The following OR9Q1 variants were observed in gnomAD, a reference collection of about 807,000 sequenced individuals.
OR9Q1 encodes the protein olfactory receptor family 9 subfamily Q member 1.
For missense variants in OR9Q1, 374 were observed against 378.8 expected (o/e 0.99, Z 0.11); for synonymous variants, 153 against 148.6 (o/e 1.03, Z -0.22).
chr11:58,160,787 T>C (rs1854449803), intron 2 of OR9Q1, among the ~76,000 whole-genome samples: 1 of 152,198 alleles, frequency 6.6e-6, no homozygotes, highest in Non-Finnish European at 1.5e-5. Context: ...ACTGGCCTTC[T>C]TGGTATCACT....
chr11:58,090,243 T>G (rs2120062628), intron 2 of OR9Q1, among the ~76,000 whole-genome samples: 1 of 152,344 alleles, frequency 6.6e-6, no homozygotes, highest in South Asian at 2.1e-4. Flanking sequence ...AAGGGAATGC[T>G]TCCGGCTTTT....
intron 2 of OR9Q1, among the ~76,000 whole-genome samples, chr11:58,155,350 G>A (rs1854398084): frequency 6.6e-6 from 1 of 151,770 alleles, no homozygotes; most frequent in African/African-American, 2.4e-5. Context: ...GCAATACTTA[G>A]GCTGGTATTT....
intron 2 of OR9Q1, chr11:58,117,477 A>T (rs1853968121): frequency 6.6e-6 from 1 of 152,198 alleles, no homozygotes; most frequent in East Asian, 1.9e-4. Flanking sequence ...CTCAAATAGG[A>T]ACAAGCATGT....
At chr11:58,156,099 T>C (rs1208882650) in intron 2 of OR9Q1, among the ~76,000 whole-genome samples, 1 of 152,018 alleles carries the variant, frequency 6.6e-6, no homozygotes, top group Non-Finnish European at 1.5e-5. Flanking sequence ...TTTTAGTAGA[T>C]GTGGGGTTTT....
chr11:58,154,091 G>T (rs867546530), intron 2 of OR9Q1, among the ~76,000 whole-genome samples: 2 of 151,732 alleles, frequency 1.3e-5, no homozygotes, highest in Non-Finnish European at 2.9e-5. Context: ...AGAAGAAGAA[G>T]AAGAAGGGGA....
intron 2 of OR9Q1, among the ~76,000 whole-genome samples, chr11:58,138,994 G>A (rs1354504141): frequency 6.6e-6 from 1 of 151,988 alleles, no homozygotes; most frequent in Admixed American, 6.6e-5. Context: ...TTACAATAGA[G>A]TAAGCTAAAG....
chr11:58,079,540 C>T (rs1853569482), intron 2 of OR9Q1, among the ~76,000 whole-genome samples: 1 of 152,116 alleles, frequency 6.6e-6, no homozygotes, highest in Admixed American at 6.6e-5. Flanking sequence ...ATTTATCTCT[C>T]CATTTCTTGA....
intron 2 of OR9Q1, among the ~76,000 whole-genome samples, chr11:58,146,213 C>T (rs1252743677): frequency 6.6e-6 from 1 of 152,170 alleles, no homozygotes; most frequent in African/African-American, 2.4e-5. Flanking sequence ...GACCATCTGC[C>T]TCAATTAACT....
At chr11:58,043,315 A>C (rs982088399) in intron 1 of OR9Q1, among the ~76,000 whole-genome samples, 2 of 152,196 alleles carry the variant, frequency 1.3e-5, no homozygotes, top group Admixed American at 6.5e-5. Context: ...AGTTTTGAAG[A>C]GACTTCATCC....
At chr11:58,125,537 G>A (rs1854082922) in intron 2 of OR9Q1, 1 of 152,186 alleles carries the variant, frequency 6.6e-6, no homozygotes, top group Non-Finnish European at 1.5e-5. Flanking sequence ...ATAGACGTAT[G>A]TAGCTGACTG....
intron 2 of OR9Q1, among the ~76,000 whole-genome samples, chr11:58,139,389 C>G (rs1854221300): frequency 6.6e-6 from 1 of 151,852 alleles, no homozygotes; most frequent in Non-Finnish European, 1.5e-5. Flanking sequence ...CCCATTAACT[C>G]ATTATTTAAC....
Position 58,081,902 on chromosome 11 carries a change from C to G in OR9Q1, c.-15+25955C>G, listed in dbSNP as rs1486069110. ...CTTAAGATATTAGTTACAGTGTTGA[C>G]TTAAATTGACCTTTCTATCAGATAA... On this transcript the variant is annotated intron_variant, in intron 2 of 2. Transcript: ENST00000335397. 2.0e-5 allele frequency among the ~76,000 whole-genome samples: 3 copies of G among 150,424 alleles called. No individual in the cohort carries two copies. The East Asian group carries it at 5.9e-4, about 30-fold the overall frequency.
intron 2 of OR9Q1, chr11:58,072,800 ATTC>A (rs1374405626): frequency 6.5e-6 from 1 of 154,908 alleles, no homozygotes; most frequent in Non-Finnish European, 1.5e-5. Context: ...CTGTGAACCT[ATTC>A]TTCTTGCAGA....
chr11:58,138,172 C>G (rs1854207221), intron 2 of OR9Q1, among the ~76,000 whole-genome samples: 1 of 152,102 alleles, frequency 6.6e-6, no homozygotes, highest in Non-Finnish European at 1.5e-5. Flanking sequence ...GAAAATGCTT[C>G]CTCCTCCTTT....
intron 2 of OR9Q1, chr11:58,117,450 A>G (rs1853967505): frequency 1.3e-5 from 2 of 152,192 alleles, no homozygotes; most frequent in Admixed American, 6.5e-5. Flanking sequence ...CCCATTTGCC[A>G]TAGAGTTGCC....
chr11:58,058,543 G>A (rs1348430381), intron 2 of OR9Q1, among the ~76,000 whole-genome samples: 2 of 152,184 alleles, frequency 1.3e-5, no homozygotes, highest in Non-Finnish European at 2.9e-5. Flanking sequence ...CCAGCACCGA[G>A]GGGTTATATG....
At chr11:58,136,158 A>C (rs2119854781) in intron 2 of OR9Q1, among the ~76,000 whole-genome samples, 1 of 152,284 alleles carries the variant, frequency 6.6e-6, no homozygotes, top group African/African-American at 2.4e-5. Flanking sequence ...ATCATAGGTA[A>C]CTAATGTGGG....
intron 2 of OR9Q1, among the ~76,000 whole-genome samples, chr11:58,056,272 C>A (rs369621126): frequency 5.9e-5 from 9 of 152,202 alleles, no homozygotes; most frequent in African/African-American, 1.9e-4. Flanking sequence ...GCTGTCAGAG[C>A]CAGTTCTCTC....
chr11:58,027,695 A>C (rs1349412796), intron 1 of OR9Q1, among the ~76,000 whole-genome samples: 2 of 152,158 alleles, frequency 1.3e-5, no homozygotes, highest in African/African-American at 2.4e-5. Context: ...TTCTTAAAAA[A>C]ATCTCAGCCC....
Sources: gnomAD v4.1 joint callset for allele counts (sites outside exome capture counted in the v4.1 genomes callset) on GRCh38, gnomAD v4.1.1 for gene constraint, MANE v1.5 for transcripts, NCBI Gene and HGNC (gene_info 2026-07-23, HGNC 2026-07-21) for gene names.